The following ABCC4 variants were observed in gnomAD, a reference collection of about 807,000 sequenced individuals.
ABCC4 encodes the protein ATP-binding cassette sub-family C member 4.
ABCC4 carries 102 observed loss-of-function variants against 168.5 expected under a neutral mutation model. The ratio of observed to expected loss-of-function variants is 0.61; its 90% CI spans 0.52 to 0.71. The LOEUF is 0.71. ABCC4 is among the 30% of genes least tolerant of loss of function. The pLI is 0.00. For synonymous variants in ABCC4, 617 were observed against 590.7 expected (o/e 1.04, Z -0.65); for missense variants, 1,402 against 1,605.8 (o/e 0.87, Z 2.17).
chr13:95,220,229 C>T (rs1021776012), intron 4 of ABCC4, among the ~76,000 whole-genome samples: 21 of 152,194 alleles, frequency 1.4e-4, no homozygotes, highest in Admixed American at 5.2e-4. Flanking sequence ...AATGTATCTT[C>T]TCAAATATGA....
At chr13:95,163,978 T>C (rs1280252283) in intron 16 of ABCC4, among the ~76,000 whole-genome samples, 1 of 141,402 alleles carries the variant, frequency 7.1e-6, no homozygotes, top group Non-Finnish European at 1.5e-5. Flanking sequence ...GAGGCAGAGG[T>C]TGAAGTGAGC....
intron 21 of ABCC4, among the ~76,000 whole-genome samples, chr13:95,082,112 T>C (rs939231633): frequency 3.3e-5 from 5 of 152,246 alleles, no homozygotes; most frequent in Non-Finnish European, 5.9e-5. Context: ...TAGAAGATAC[T>C]GAAAATGATG....
intron 18 of ABCC4, 134 bp from the exon 19 acceptor site, chr13:95,161,469 A>G (rs558112731): frequency 1.0e-5 from 6 of 602,640 alleles, no homozygotes; most frequent in Non-Finnish European, 1.3e-5. Flanking sequence ...CTACATAAGT[A>G]TAATGTATTT....
At chr13:95,216,920 A>C (rs2039130075) in intron 4 of ABCC4, among the ~76,000 whole-genome samples, 2 of 152,246 alleles carry the variant, frequency 1.3e-5, no homozygotes, top group Non-Finnish European at 2.9e-5. Flanking sequence ...AGCTTTAATC[A>C]TGTCCATTAA....
At chr13:95,275,413 C>T (rs2040948064) in intron 1 of ABCC4, among the ~76,000 whole-genome samples, 1 of 152,180 alleles carries the variant, frequency 6.6e-6, no homozygotes, top group South Asian at 2.1e-4. Flanking sequence ...AAGCTAATAA[C>T]TGAGATTGCT....
At chr13:95,049,568 G>A (rs1269285792) in intron 27 of ABCC4, among the ~76,000 whole-genome samples, 1 of 152,022 alleles carries the variant, frequency 6.6e-6, no homozygotes, top group Non-Finnish European at 1.5e-5. Context: ...TTGGACCCGG[G>A]AGGCGGAGGT....
At chr13:95,255,162 C>T in intron 1 of ABCC4, among the ~76,000 whole-genome samples, 1 of 152,222 alleles carries the variant, frequency 6.6e-6, no homozygotes, top group Admixed American at 6.5e-5. Flanking sequence ...TGCATTTTCT[C>T]GTAGGTAAGT....
At chr13:95,175,793 T>C (rs2037658887) in intron 13 of ABCC4, among the ~76,000 whole-genome samples, 2 of 152,218 alleles carry the variant, frequency 1.3e-5, no homozygotes. Context: ...TGCAGATGCA[T>C]TGATCTCACA....
chr13:95,245,504 T>C (rs4148442), intron 3 of ABCC4, among the ~76,000 whole-genome samples: 81,273 of 152,062 alleles, frequency 0.53, 22,341 homozygotes, highest in African/African-American at 0.66. Context: ...GTGGAAACAC[T>C]ATCGCTGGGA....
At chr13:95,056,758 A>G (rs2033074411) in intron 26 of ABCC4, among the ~76,000 whole-genome samples, 1 of 152,238 alleles carries the variant, frequency 6.6e-6, no homozygotes, top group Admixed American at 6.5e-5. Context: ...GAGTAGAAAT[A>G]CCAAGATAGC....
intron 13 of ABCC4, among the ~76,000 whole-genome samples, chr13:95,174,144 A>G (rs2037579219): frequency 2.0e-5 from 3 of 152,250 alleles, no homozygotes; most frequent in African/African-American, 7.2e-5. Flanking sequence ...AACCACATCT[A>G]TAGCAGGCAA....
In ABCC4 at chr13:95,034,650, T is replaced by G. The variant is rs775106710; in HGVS notation, c.3825A>C (p.Gln1275His). 6.2e-6 allele frequency: 10 copies of G among 1,614,252 alleles called. No homozygotes were observed. Among genetic ancestry groups the G allele is most frequent in the Non-Finnish European group, 7.6e-6 (9 of 1,180,044 alleles). The change falls in exon 30 of 31, where the codon CAA becomes CAC. Residue 1275 changes from glutamine (Q) to histidine (H), a missense_variant. By Grantham distance (24) the Gln-to-His change is conservative. Coordinates refer to ENST00000645237, the MANE Select transcript of ABCC4 (RefSeq NM_005845.5). ...KESLFYKMVQ[Q>H]LGKAEAAALT... ...GGGCAGCGGCTTCTGCCTTGCCCAG[T>G]TGTTGCACCATCTTGTAAAATAGGC...
intron 20 of ABCC4, among the ~76,000 whole-genome samples, chr13:95,115,273 G>GTTT (rs4148522): frequency 2.1e-5 from 3 of 146,090 alleles, no homozygotes; most frequent in African/African-American, 2.5e-5. Context: ...AGGATTGTTG[G>GTTT]TTTTTTTTTT....
rs55991254 is a variant in ABCC4 at position 95,137,311 on chromosome 13, G to A, written c.2456-21310C>T. The stretch of plus-strand genomic sequence containing the variant: ...ACTCAGAGCACAACATCTATGCTTT[G>A]TCCTGCTCCAGCTCACAGGCCTCAG... On this transcript the variant is annotated intron_variant, in intron 19 of 30. Coordinates refer to ENST00000645237, the MANE Select transcript of ABCC4 (RefSeq NM_005845.5). Among the ~76,000 whole-genome samples, 845 of 152,300 alleles carry A rather than the reference G, an allele frequency of 5.5e-3. 5 individuals are homozygous for A. Among genetic ancestry groups the A allele is most frequent in the Middle Eastern group, 0.01 (3 of 294 alleles).
intron 27 of ABCC4, 143 bp from the exon 28 acceptor site, chr13:95,044,581 A>G (rs1318937474): frequency 3.8e-5 from 24 of 631,454 alleles, no homozygotes; most frequent in Middle Eastern, 4.7e-4. Flanking sequence ...AATTACCTCT[A>G]GTTAATGTTC....
At chr13:95,153,901 A>G (rs1011937619) in intron 19 of ABCC4, among the ~76,000 whole-genome samples, 3 of 152,256 alleles carry the variant, frequency 2.0e-5, no homozygotes, top group Non-Finnish European at 4.4e-5. Context: ...TTATGATACT[A>G]TTAGCAGTAA....
chr13:95,238,195 GA>G (rs10644641), intron 3 of ABCC4, among the ~76,000 whole-genome samples: 8,183 of 65,694 alleles, frequency 0.12, 590 homozygotes, highest in African/African-American at 0.32. Context: ...CTCCATCTCA[GA>G]AAAAAAAAAA....
intron 29 of ABCC4, among the ~76,000 whole-genome samples, chr13:95,040,759 G>A (rs1480408507): frequency 6.6e-6 from 1 of 152,080 alleles, no homozygotes; most frequent in Admixed American, 6.6e-5. Flanking sequence ...CTGCTAGAAC[G>A]ATTTCTAGTT....
At chr13:95,224,923 T>C (rs1176609629) in intron 4 of ABCC4, among the ~76,000 whole-genome samples, 1 of 152,082 alleles carries the variant, frequency 6.6e-6, no homozygotes, top group African/African-American at 2.4e-5. Context: ...AATTAAAGCA[T>C]AAATATTGTA....
Sources: gnomAD v4.1 joint callset for allele counts (sites outside exome capture counted in the v4.1 genomes callset) on GRCh38, gnomAD v4.1.1 for gene constraint, MANE v1.5 for transcripts, NCBI Gene and HGNC (gene_info 2026-07-23, HGNC 2026-07-21) for gene names.